GRIK2: variants seen among roughly 807,000 people sequenced by gnomAD.
GRIK2 encodes glutamate receptor ionotropic, kainate 2.
In GRIK2, 32 loss-of-function variants were observed where a neutral mutation model predicts 100.3. The ratio of observed to expected loss-of-function variants is 0.32; its 90% CI spans 0.24 to 0.43. The LOEUF is 0.43. Ranked by LOEUF, GRIK2 falls within the 20% of genes least tolerant of loss-of-function variation. The pLI, the probability that GRIK2 is intolerant of heterozygous loss-of-function variation, is 1.00. For synonymous variants in GRIK2, 417 were observed against 389.4 expected (o/e 1.07, Z -0.83); for missense variants, 843 against 1,114.9 (o/e 0.76, Z 3.47).
chr6:101,740,527 G>A (rs1158524210), intron 7 of GRIK2, among the ~76,000 whole-genome samples: 1 of 152,138 alleles, frequency 6.6e-6, no homozygotes, highest in African/African-American at 2.4e-5. Context: ...TGTTCAGAAC[G>A]TAACTTTTGC....
intron 2 of GRIK2, among the ~76,000 whole-genome samples, chr6:101,470,379 T>C (rs531514339): frequency 1.3e-5 from 2 of 152,266 alleles, no homozygotes; most frequent in African/African-American, 4.8e-5. Flanking sequence ...AGCTTCTTTA[T>C]TGTGGCCTCT....
chr6:102,030,291 C>T (rs372502510), intron 14 of GRIK2, among the ~76,000 whole-genome samples: 10 of 151,302 alleles, frequency 6.6e-5, no homozygotes, highest in Middle Eastern at 3.4e-3. Context: ...TTGAAACATC[C>T]GCCATTGGCA....
At chr6:101,841,256 A>G (rs1186967731) in intron 10 of GRIK2, among the ~76,000 whole-genome samples, 1 of 152,166 alleles carries the variant, frequency 6.6e-6, no homozygotes, top group Non-Finnish European at 1.5e-5. Context: ...CCCTAAAACT[A>G]TCCTGTACTT....
intron 14 of GRIK2, among the ~76,000 whole-genome samples, chr6:102,003,850 A>G (rs1349720605): frequency 2.0e-5 from 3 of 151,800 alleles, no homozygotes; most frequent in East Asian, 1.9e-4. Flanking sequence ...TAGTGTAACT[A>G]GAAGTTAATT....
Position 101,612,512 on chromosome 6 carries a change from A to C in GRIK2, c.116-9437A>C, listed in dbSNP as rs571028783. On this transcript the variant is annotated intron_variant, in intron 2 of 16. Transcript: ENST00000369134. ...TTCAATGAGATTGAGCTTAGGTGTA[A>C]ACATGTTTCATACTTATTTAAATTT... Among the ~76,000 whole-genome samples, 3 of 151,870 alleles carry C rather than the reference A, an allele frequency of 2.0e-5. No homozygotes were observed. The South Asian group carries it at 6.2e-4, about 32-fold the overall frequency.
At chr6:101,449,866 G>A (rs185962418) in intron 2 of GRIK2, among the ~76,000 whole-genome samples, 4 of 151,792 alleles carry the variant, frequency 2.6e-5, no homozygotes, top group Admixed American at 2.0e-4. Context: ...CTTTGTACGT[G>A]ATTTTCTTGG....
chr6:101,659,837 A>C (rs556546722), intron 4 of GRIK2, among the ~76,000 whole-genome samples: 26 of 152,304 alleles, frequency 1.7e-4, no homozygotes, highest in South Asian at 1.4e-3. Context: ...GAAGAGAGAT[A>C]CACTGTTAGT....
At chr6:101,788,767 G>A (rs901468600) in intron 7 of GRIK2, among the ~76,000 whole-genome samples, 7 of 152,046 alleles carry the variant, frequency 4.6e-5, no homozygotes, top group South Asian at 2.1e-4. Flanking sequence ...CTAGTTCTAG[G>A]TCCCTGAGGA....
At chr6:101,988,138 CGCGCGCGCGCGCGCGCGTGCG>C (rs1794148355) in intron 14 of GRIK2, among the ~76,000 whole-genome samples, 1 of 13,658 alleles carries the variant, frequency 7.3e-5, no homozygotes, top group Admixed American at 7.8e-4. Context: ...TGTGTGCGCG[CGCGCGCGCGCGCGCGCGTGCG>C]CGCACATGCA....
chr6:101,906,021 TAACTC>T lies in GRIK2; in HGVS notation c.1748+16161_1748+16165del, dbSNP rs1427194486. Among the ~76,000 whole-genome samples the T allele has an allele frequency of 2.6e-5, 4 of 151,694 alleles. No homozygotes were observed. The East Asian group carries it at 5.8e-4, about 22-fold the overall frequency. ...GCAACTAAAAATAGTTTGATTTTCTTAACTCAAATATTAAAGTGCGTTTAGATATT... is the reference window on the plus strand; with the variant it reads ...GCAACTAAAAATAGTTTGATTTTCTTAAATATTAAAGTGCGTTTAGATATT... On this transcript the variant is annotated intron_variant, in intron 12 of 16. Coordinates refer to ENST00000369134, the MANE Select transcript of GRIK2 (RefSeq NM_021956.5).
chr6:101,491,986 C>T (rs1485983468), intron 2 of GRIK2, among the ~76,000 whole-genome samples: 1 of 151,532 alleles, frequency 6.6e-6, no homozygotes, highest in Non-Finnish European at 1.5e-5. Flanking sequence ...CTGTTATATA[C>T]TTCATATTGC....
At chr6:101,847,535 C>G (rs530916964) in intron 10 of GRIK2, among the ~76,000 whole-genome samples, 1 of 151,900 alleles carries the variant, frequency 6.6e-6, no homozygotes, top group African/African-American at 2.4e-5. Flanking sequence ...GTTAGTAGTA[C>G]CTTAGTAACT....
chr6:101,528,432 AG>A (rs1260276741), intron 2 of GRIK2, among the ~76,000 whole-genome samples: 1 of 152,096 alleles, frequency 6.6e-6, no homozygotes, highest in Non-Finnish European at 1.5e-5. Flanking sequence ...AGGTCAATTA[AG>A]GTTAGGTTTT....
chr6:101,718,045 A>T (rs1774192206), intron 7 of GRIK2, among the ~76,000 whole-genome samples: 1 of 151,820 alleles, frequency 6.6e-6, no homozygotes, highest in Admixed American at 6.6e-5. Flanking sequence ...GCCAGGTATT[A>T]TACTCTTGTC....
intron 10 of GRIK2, among the ~76,000 whole-genome samples, chr6:101,830,460 G>A (rs1038239556): frequency 5.9e-5 from 9 of 151,708 alleles, no homozygotes; most frequent in Non-Finnish European, 4.4e-5. Context: ...AAAAATATTT[G>A]CAAACTATGC....
At chr6:101,795,386 T>G (rs138159525) in intron 7 of GRIK2, among the ~76,000 whole-genome samples, 6 of 152,182 alleles carry the variant, frequency 3.9e-5, no homozygotes, top group African/African-American at 1.4e-4. Context: ...GGTGTAGGAG[T>G]GCCAGGTAGT....
At chr6:101,815,563 T>C (rs1036050352) in intron 9 of GRIK2, among the ~76,000 whole-genome samples, 9 of 151,462 alleles carry the variant, frequency 5.9e-5, no homozygotes, top group Admixed American at 3.3e-4. Context: ...AGTCACCATA[T>C]ATAAAACAAT....
intron 9 of GRIK2, among the ~76,000 whole-genome samples, chr6:101,805,961 A>G (rs577301496): frequency 1.5e-4 from 23 of 152,114 alleles, no homozygotes; most frequent in South Asian, 2.1e-4. Context: ...CATCCTTTCT[A>G]CTTAGATGGT....
At chr6:101,896,077 T>C (rs1787418774) in intron 12 of GRIK2, among the ~76,000 whole-genome samples, 1 of 151,800 alleles carries the variant, frequency 6.6e-6, no homozygotes, top group Non-Finnish European at 1.5e-5. Flanking sequence ...TTATTATTTT[T>C]TGTTACAATG....
Sources: gnomAD v4.1 joint callset for allele counts (sites outside exome capture counted in the v4.1 genomes callset) on GRCh38, gnomAD v4.1.1 for gene constraint, MANE v1.5 for transcripts, NCBI Gene and HGNC (gene_info 2026-07-23, HGNC 2026-07-21) for gene names.